The following DNAH10 variants were observed in gnomAD, a reference collection of about 807,000 sequenced individuals.
DNAH10 encodes axonemal beta dynein heavy chain 10.
In DNAH10, 348 loss-of-function variants were observed where a neutral mutation model predicts 506.6. The observed-to-expected ratio is 0.69, with a 90% CI of 0.63 to 0.75. The LOEUF (loss-of-function observed/expected upper bound fraction) is 0.75, where lower values mean the gene tolerates loss of function less well. DNAH10 is among the 30% of genes least tolerant of loss of function. The probability of loss-of-function intolerance (pLI) is 0.00; values close to 1 mark genes in which losing one functional copy is unlikely to be tolerated. For missense variants in DNAH10, 5,179 were observed against 5,787.1 expected (o/e 0.89, Z 3.41); for synonymous variants, 2,059 against 2,198.6 (o/e 0.94, Z 1.78).
chr12:123,820,997 C>A (rs1183050416), intron 24 of DNAH10, among the ~76,000 whole-genome samples: 2 of 152,160 alleles, frequency 1.3e-5, no homozygotes, highest in African/African-American at 2.4e-5. Context: ...CGCCTGTAAT[C>A]CCAGCACTTT....
At position 123,903,403 on chromosome 12, in the gene DNAH10, C is replaced by G. The variant is rs760722457; in HGVS notation, c.9815+290C>G. On this transcript the variant is annotated intron_variant, in intron 57 of 78. Transcript: ENST00000673944. This position sits in a 1 kb window ranked among gnomAD's most constrained non-coding sequence, Gnocchi z 4.6. ...AAGGATGGAGTGGGGTAAAACAGTG[C>G]TCTTCACGGAACATGCGGGGGCAAG... Among the ~76,000 whole-genome samples, 8 of 152,216 alleles carry G rather than the reference C, an allele frequency of 5.3e-5. No homozygotes were observed. The highest frequency in any genetic ancestry group is 1.2e-4 in the Non-Finnish European group (8 of 68,038).
At chr12:123,792,713 A>G (rs1958127465) in intron 11 of DNAH10, among the ~76,000 whole-genome samples, 1 of 152,094 alleles carries the variant, frequency 6.6e-6, no homozygotes, top group Non-Finnish European at 1.5e-5. Context: ...CGCCTGCCTC[A>G]GCCTCTGAAA....
intron 61 of DNAH10, 105 bp downstream of exon 61, chr12:123,914,655 G>T: frequency 7.0e-7 from 1 of 1,420,044 alleles, no homozygotes; most frequent in Non-Finnish European, 9.4e-7. Context: ...GCATCACCAG[G>T]ACCACAGTTG....
intron 54 of DNAH10, among the ~76,000 whole-genome samples, chr12:123,895,129 G>A (rs923620455): frequency 6.6e-6 from 1 of 152,236 alleles, no homozygotes; most frequent in African/African-American, 2.4e-5. Flanking sequence ...TATGAGTACT[G>A]TTCGGCTCTT....
At position 123,902,447 on chromosome 12, in the gene DNAH10, TC is replaced by T. The variant is rs746767574; in HGVS notation, c.9641-490del. Among the ~76,000 whole-genome samples the T allele has an allele frequency of 3.4e-4, 51 of 152,170 alleles. No individual in the cohort carries two copies. The highest frequency in any genetic ancestry group is 1.2e-3 in the African/African-American group (49 of 41,522). Reference sequence around the variant, plus strand: ...AATCAGCCAGTGGTGAAATGAAACTTCCGATTGCGATTGGTGTCATGAAGCA... The same window carrying T: ...AATCAGCCAGTGGTGAAATGAAACTTCGATTGCGATTGGTGTCATGAAGCA... On this transcript the variant is annotated intron_variant, in intron 56 of 78. Transcript: ENST00000673944. The surrounding 1 kb of genome is among the most constrained non-coding windows in gnomAD (Gnocchi z 4.5).
chr12:123,784,728 TAACTCCCCC>T (rs1188511858), intron 8 of DNAH10, among the ~76,000 whole-genome samples: 1 of 152,368 alleles, frequency 6.6e-6, no homozygotes, highest in African/African-American at 2.4e-5. Context: ...CATTAAACAC[TAACTCCCCC>T]TTCTTCCTTA....
chr12:123,923,170 G>A (rs529474116), intron 65 of DNAH10: 13 of 152,312 alleles, frequency 8.5e-5, no homozygotes, highest in Admixed American at 3.3e-4. Context: ...CTCTGCAATA[G>A]AGGTTGGCAA....
In DNAH10 at chr12:123,762,896, A is replaced by G. The variant is rs374292318; in HGVS notation, c.214+346A>G. On this transcript the variant is annotated intron_variant, in intron 1 of 78. Coordinates refer to ENST00000673944, the MANE Select transcript of DNAH10 (RefSeq NM_001372106.1). This position sits in a 1 kb window ranked among gnomAD's most constrained non-coding sequence, Gnocchi z 5.0. ...CTCATCCCTATTTTACAGATGAGCA[A>G]ACTGGCACGGAGGGGGTTAAGTAAC... Among the ~76,000 whole-genome samples the G allele has an allele frequency of 3.9e-5, 6 of 152,302 alleles. No individual in the cohort carries two copies. In the South Asian group the frequency reaches 1.2e-3, roughly 32 times the overall value.
At chr12:123,872,447 C>T (rs1337004164) in intron 45 of DNAH10, among the ~76,000 whole-genome samples, 1 of 152,172 alleles carries the variant, frequency 6.6e-6, no homozygotes, top group Non-Finnish European at 1.5e-5. Context: ...CCCCAGGACT[C>T]TGCAGCTGGT....
In DNAH10 at chr12:123,848,819, C is replaced by T. The variant is rs369689578; in HGVS notation, c.6039C>T (p.Ser2013=). 1.8e-5 allele frequency: 29 copies of T among 1,613,774 alleles called. No homozygotes were observed. Among genetic ancestry groups the T allele is most frequent in the African/African-American group, 2.7e-5 (2 of 74,906 alleles). ...ATCGAATCGATGCTTCTGTGCTCTC[C>T]GTGATCTCCTCCCAGATCCAGACGA... ...EFNRIDASVL[S]VISSQIQTIR... Residue 2013 remains serine, a synonymous_variant, in exon 34 of 79, where the codon TCC becomes TCT. Coordinates refer to ENST00000673944, the MANE Select transcript of DNAH10 (RefSeq NM_001372106.1).
intron 28 of DNAH10, 41 bp downstream of exon 28, chr12:123,835,569 G>A (rs748331394): frequency 1.9e-6 from 3 of 1,589,180 alleles, no homozygotes; most frequent in South Asian, 1.2e-5. Flanking sequence ...AAGAAGGGCA[G>A]CGATTTGAGA....
intron 23 of DNAH10, 96 bp from the exon 24 acceptor site, chr12:123,820,484 G>A (rs1959275701): frequency 1.6e-6 from 2 of 1,287,746 alleles, no homozygotes; most frequent in Non-Finnish European, 2.1e-6. Context: ...TTATGAGGAT[G>A]AAATTATAAT....
At chr12:123,854,591 TA>T (rs1228003761) in intron 36 of DNAH10, among the ~76,000 whole-genome samples, 1 of 151,766 alleles carries the variant, frequency 6.6e-6, no homozygotes, top group African/African-American at 2.4e-5. Flanking sequence ...GAGAAAGAGG[TA>T]AAAAACAGCC....
rs770336735 is a variant in DNAH10 at position 123,877,890 on chromosome 12, T to G, written c.8354T>G (p.Val2785Gly). 1 of 1,614,008 alleles carries G rather than the reference T, an allele frequency of 6.2e-7. No individual in the cohort carries two copies. Among genetic ancestry groups the G allele is most frequent in the Admixed American group, 1.7e-5 (1 of 60,020 alleles). ...RDLSRVFNGL[V>G]LTNPERFQTV... ...CTCTCACGGGTTTTTAATGGTCTTG[T>G]CCTCACTAACCCGGAGCGGTGAGTT... Residue 2785 changes from valine to glycine, a missense_variant, in exon 48 of 79, where the codon GTC (valine) becomes GGC (glycine). Physicochemically the swap from Val to Gly is moderately radical, Grantham distance 109 (BLOSUM62 -3). Around this residue, in one of 3 missense-constraint regions of DNAH10, gnomAD observed 4,844 missense variants for 5,430.5 expected, o/e 0.89. Transcript: ENST00000673944.
Position 123,879,287 on chromosome 12 carries a change from T to C in DNAH10, c.8396T>C (p.Val2799Ala). 6.3e-7 allele frequency: 1 copy of C among 1,577,920 alleles called. No homozygotes were observed. The highest frequency in any genetic ancestry group is 1.2e-5 in the South Asian group (1 of 85,642). ...PERFQTVAQMVRVWRNECLRV... is the reference protein window; with the variant it reads ...PERFQTVAQMARVWRNECLRV... ...AGATTCCAGACGGTGGCCCAGATGG[T>C]GAGAGTCTGGAGGAATGAGTGTCTG... Residue 2799 changes from valine (V) to alanine (A), a missense_variant, in exon 49 of 79, where the codon GTG becomes GCG. Coordinates refer to ENST00000673944, the MANE Select transcript of DNAH10 (RefSeq NM_001372106.1).
rs188854737 is a variant in DNAH10, at chr12:123,835,203, C to T, written c.4780-203C>T. Among the ~76,000 whole-genome samples, 183 of 152,194 alleles carry T rather than the reference C, an allele frequency of 1.2e-3. 2 individuals are homozygous for T. The highest frequency in any genetic ancestry group is 4.1e-4 in the South Asian group (2 of 4,822). On this transcript the variant is annotated intron_variant, in intron 27 of 78. Coordinates refer to ENST00000673944, the MANE Select transcript of DNAH10 (RefSeq NM_001372106.1). ...GCTTTCTTTTGCTTTTGAGTGTGGC[C>T]GTTAGTTATGCTTTCCCCAGCATTC...
chr12:123,887,283 C>G lies in DNAH10; in HGVS notation c.8965C>G (p.Leu2989Val). Residue 2989 changes from leucine to valine, a missense_variant, in exon 52 of 79, where the codon CTG (leucine) becomes GTG (valine). By Grantham distance (32) the Leu-to-Val change is conservative. Around this residue, in one of 3 missense-constraint regions of DNAH10, gnomAD observed 4,844 missense variants for 5,430.5 expected, o/e 0.89. Coordinates refer to ENST00000673944, the MANE Select transcript of DNAH10 (RefSeq NM_001372106.1). ...TGCCCATGTGGCTGAGGAGGGCTTC[C>G]TGGAGCTCATCAACAACATGCTGAC... ...TDAHVAEEGF[L>V]ELINNMLTSG... 1 of 1,613,858 alleles carries G rather than the reference C, an allele frequency of 6.2e-7. No homozygotes were observed. Among genetic ancestry groups the G allele is most frequent in the Non-Finnish European group, 8.5e-7 (1 of 1,179,846 alleles).
At position 123,846,330 on chromosome 12, in the gene DNAH10, G is replaced by C. The variant is rs776360015; in HGVS notation, c.5814+176G>C. Reference sequence around the variant, plus strand: ...GATTGTCACCATTTGGGATTGGCATGTAAGTGTGGCCGTGCTTAGCCACTG... The same window carrying C: ...GATTGTCACCATTTGGGATTGGCATCTAAGTGTGGCCGTGCTTAGCCACTG... On this transcript the variant is annotated intron_variant, in intron 32 of 78. Coordinates refer to ENST00000673944, the MANE Select transcript of DNAH10 (RefSeq NM_001372106.1). This position sits in a 1 kb window ranked among gnomAD's most constrained non-coding sequence, Gnocchi z 4.5. Among the ~76,000 whole-genome samples, 19 of 152,246 alleles carry C rather than the reference G, an allele frequency of 1.2e-4. No homozygotes were observed. The highest frequency in any genetic ancestry group is 4.6e-4 in the African/African-American group (19 of 41,468).
chr12:123,898,819 G>A lies in DNAH10; in HGVS notation c.9640+5G>A. 6 of 1,602,068 alleles carry A rather than the reference G, an allele frequency of 3.7e-6. No homozygotes were observed. The highest frequency in any genetic ancestry group is 5.1e-6 in the Non-Finnish European group (6 of 1,173,448). ...TCGCCGTCAACACCGCTGTAGGTGA[G>A]TGAGGGCGGGGCCAGGGCAGCCCAT... On this transcript the variant is annotated splice_donor_5th_base_variant and intron_variant, in intron 56 of 78. Coordinates refer to ENST00000673944, the MANE Select transcript of DNAH10 (RefSeq NM_001372106.1).
Sources: allele counts gnomAD v4.1 joint callset (sites outside exome capture counted in the v4.1 genomes callset), GRCh38; gene constraint gnomAD v4.1.1; regional missense constraint gnomAD v4.1.1; non-coding constraint Gnocchi (gnomAD v3.1); transcripts MANE v1.5; gene names NCBI Gene and HGNC (gene_info 2026-07-23, HGNC 2026-07-21).